COL12A1: variants seen among roughly 807,000 people sequenced by gnomAD.
COL12A1 encodes collagen alpha-1(XII) chain.
A neutral mutation model predicts 349.7 loss-of-function variants in COL12A1; 114 were observed. The ratio of observed to expected loss-of-function variants is 0.33; its 90% CI spans 0.28 to 0.38. The LOEUF (loss-of-function observed/expected upper bound fraction) is 0.38. Ranked by LOEUF, COL12A1 falls within the 10% of genes least tolerant of loss-of-function variation. The pLI is 1.00. For synonymous variants in COL12A1, 1,369 were observed against 1,329.0 expected, an observed-to-expected ratio of 1.03 and a Z score of -0.66; for missense variants, 3,284 against 3,756.9, an observed-to-expected ratio of 0.87 and a Z score of 3.29.
At chr6:75,189,505 C>T (rs62415676) in intron 6 of COL12A1, 47 bp downstream of exon 6, 1 of 1,585,610 alleles carries the variant, frequency 6.3e-7, no homozygotes, top group Admixed American at 1.8e-5. Context: ...CTTTCTGAAA[C>T]AGACATTTCA....
At chr6:75,172,025 G>C (rs1387083874) in intron 13 of COL12A1, among the ~76,000 whole-genome samples, 1 of 152,128 alleles carries the variant, frequency 6.6e-6, no homozygotes, top group Non-Finnish European at 1.5e-5. Context: ...AAGCAAACTT[G>C]CAAATTATCT....
At chr6:75,116,248 A>C (rs996986344) in intron 47 of COL12A1, among the ~76,000 whole-genome samples, 191 bp from the exon 48 acceptor site, 35 of 152,200 alleles carry the variant, frequency 2.3e-4, no homozygotes, top group African/African-American at 8.4e-4. Flanking sequence ...ACTATTAACC[A>C]GTGTAACAAA....
chr6:75,143,266 C>T lies in COL12A1; in HGVS notation c.4813G>A (p.Glu1605Lys). Reference sequence around the variant, plus strand: ...CTTCAACCTACCTCTTTGACATCCTCTTCTGGTGTTTTGTATCGAACAATA... The same window carrying T: ...CTTCAACCTACCTCTTTGACATCCTTTTCTGGTGTTTTGTATCGAACAATA... ...KYIVRYKTPE[E>K]DVKEVEVDRS... Residue 1605 changes from glutamate (E) to lysine (K), a missense_variant, in exon 26 of 66, where the codon GAG becomes AAG. Physicochemically the swap from Glu to Lys is moderately conservative, Grantham distance 56. This residue lies in a region of COL12A1 where 2,601 missense variants were observed against 2,824.8 expected (regional missense o/e 0.92). Coordinates refer to ENST00000322507, the MANE Select transcript of COL12A1 (RefSeq NM_004370.6). 1 of 1,613,904 alleles carries T rather than the reference C, an allele frequency of 6.2e-7. No homozygotes were observed.
chr6:75,111,472 G>T (rs1768837498), intron 51 of COL12A1, among the ~76,000 whole-genome samples: 2 of 151,824 alleles, frequency 1.3e-5, no homozygotes, highest in Admixed American at 6.6e-5. Flanking sequence ...TAGATAAAAT[G>T]AAGCATTCCA....
chr6:75,202,691 A>G, intron 2 of COL12A1, 29 bp downstream of exon 2: 1 of 1,546,136 alleles, frequency 6.5e-7, no homozygotes, highest in Non-Finnish European at 8.8e-7. Flanking sequence ...TTGCATTGTC[A>G]CTCGGTGAAG....
At chr6:75,132,692 C>T (rs1406026741) in intron 34 of COL12A1, among the ~76,000 whole-genome samples, 2 of 152,184 alleles carry the variant, frequency 1.3e-5, no homozygotes, top group East Asian at 1.9e-4. Context: ...ACATCATCTT[C>T]CTAGACCACT....
chr6:75,096,987 A>C (rs1376986660), intron 59 of COL12A1, among the ~76,000 whole-genome samples: 1 of 152,116 alleles, frequency 6.6e-6, no homozygotes, highest in Non-Finnish European at 1.5e-5. Context: ...AGGGATGAAG[A>C]AACTGAGGCA....
Position 75,113,708 on chromosome 6 carries a change from C to T in COL12A1, c.7734G>A (p.Thr2578=), listed in dbSNP as rs368616942. Residue 2578 remains threonine, a synonymous_variant, in exon 50 of 66, where the codon ACG becomes ACA. Coordinates refer to ENST00000322507, the MANE Select transcript of COL12A1 (RefSeq NM_004370.6). The part of the protein sequence containing the change: ...LHPNGLPPSY[T]IILLFRLLPE... ...GGAGAAGTCTGAATAATAATATAATCGTGTATGAAGGAGGGAGTCCATTTG... is the reference window on the plus strand; with the variant it reads ...GGAGAAGTCTGAATAATAATATAATTGTGTATGAAGGAGGGAGTCCATTTG... 21 of 1,601,780 alleles carry T rather than the reference C, an allele frequency of 1.3e-5. No homozygotes were observed. The highest frequency in any genetic ancestry group is 6.7e-5 in the Admixed American group (4 of 59,704).
intron 21 of COL12A1, among the ~76,000 whole-genome samples, chr6:75,150,016 C>A (rs930110782): frequency 6.6e-6 from 1 of 152,182 alleles, no homozygotes. Context: ...AAAAGAAAAT[C>A]TGCAAAAGTT....
intron 12 of COL12A1, among the ~76,000 whole-genome samples, chr6:75,176,403 G>A (rs1768955938): frequency 6.6e-6 from 1 of 151,286 alleles, no homozygotes; most frequent in Non-Finnish European, 1.5e-5. Flanking sequence ...AGGTGGGAGA[G>A]TGATGCAGTG....
intron 13 of COL12A1, among the ~76,000 whole-genome samples, chr6:75,171,490 C>T (rs1768631631): frequency 6.6e-6 from 1 of 152,174 alleles, no homozygotes; most frequent in Non-Finnish European, 1.5e-5. Flanking sequence ...TACAAAACAA[C>T]AACAACTTTA....
intron 2 of COL12A1, among the ~76,000 whole-genome samples, chr6:75,201,616 G>C (rs1265874286): frequency 6.6e-6 from 1 of 150,422 alleles, no homozygotes; most frequent in Non-Finnish European, 1.5e-5. Context: ...TTCATCAGGG[G>C]TATTTCTTTA....
In COL12A1 at chr6:75,147,688, C is replaced by A. The variant is rs749476681; in HGVS notation, c.4404G>T (p.Gly1468=). ...VEDEYSEPLK[G]TEKTLPVPVV... The stretch of plus-strand genomic sequence containing the variant: ...AATCTGACTCACAGGTTTTTTCTGT[C>A]CCCTTCAGAGGCTCACTATATTCAT... The change falls in exon 23 of 66, where the codon GGG becomes GGT. Residue 1468 remains glycine, a synonymous_variant. Coordinates refer to ENST00000322507, the MANE Select transcript of COL12A1 (RefSeq NM_004370.6). 1 of 1,603,474 alleles carries A rather than the reference C, an allele frequency of 6.2e-7. No individual in the cohort carries two copies. The highest frequency in any genetic ancestry group is 1.7e-5 in the Admixed American group (1 of 57,794).
intron 52 of COL12A1, 76 bp from the exon 53 acceptor site, chr6:75,106,572 T>C: frequency 7.8e-7 from 1 of 1,276,920 alleles, no homozygotes; most frequent in Non-Finnish European, 1.1e-6. Flanking sequence ...CATTTTAACA[T>C]TGCCAACTTC....
intron 59 of COL12A1, among the ~76,000 whole-genome samples, chr6:75,096,594 T>C (rs1256550024): frequency 2.6e-5 from 4 of 152,194 alleles, no homozygotes; most frequent in Non-Finnish European, 5.9e-5. Context: ...TAGGCACAGA[T>C]TCTTAAAATT....
rs1219586283 is a variant in COL12A1 at position 75,192,016 on chromosome 6, A to T, written c.334+196T>A. Among the ~76,000 whole-genome samples the T allele has an allele frequency of 2.6e-5, 4 of 151,972 alleles. No individual in the cohort carries two copies. In the East Asian group the frequency reaches 7.7e-4, roughly 29 times the overall value. On this transcript the variant is annotated intron_variant, in intron 4 of 65. Coordinates refer to ENST00000322507, the MANE Select transcript of COL12A1 (RefSeq NM_004370.6). ...ATTTTTAATGGTCTTCATTCATAAC[A>T]TTCCTGCTGTTTCCAGAGACCAGAG...
chr6:75,166,705 A>G (rs1040695626), intron 13 of COL12A1, among the ~76,000 whole-genome samples: 6 of 152,178 alleles, frequency 3.9e-5, no homozygotes, highest in African/African-American at 1.2e-4. Flanking sequence ...TAATTGTTGT[A>G]TATTCATGCA....
intron 12 of COL12A1, among the ~76,000 whole-genome samples, chr6:75,176,271 G>A (rs1768938399): frequency 6.6e-6 from 1 of 151,780 alleles, no homozygotes; most frequent in Non-Finnish European, 1.5e-5. Flanking sequence ...GCGTGATGCA[G>A]TGGGGGAGGA....
rs1381999215 is a variant in COL12A1 at position 75,177,930 on chromosome 6, C to T, written c.2170G>A (p.Gly724Arg). 1 of 1,587,544 alleles carries T rather than the reference C, an allele frequency of 6.3e-7. No homozygotes were observed. The highest frequency in any genetic ancestry group is 1.9e-5 in the Admixed American group (1 of 53,652). The change falls in exon 12 of 66, where the codon GGA becomes AGA. Residue 724 changes from glycine to arginine, a missense_variant. Coordinates refer to ENST00000322507, the MANE Select transcript of COL12A1 (RefSeq NM_004370.6). The stretch of plus-strand genomic sequence containing the variant: ...GTCACCTTTAGGTTTCGAGGTGCTC[C>T]TTTTACTGAAATAAAAAAGGAAAAA... ...AGEETTEEVK[G>R]APRNLKVTDE...
Sources: gnomAD v4.1 joint callset for allele counts (sites outside exome capture counted in the v4.1 genomes callset) on GRCh38, gnomAD v4.1.1 for gene constraint, gnomAD v4.1.1 regional missense constraint, MANE v1.5 for transcripts, NCBI Gene and HGNC (gene_info 2026-07-23, HGNC 2026-07-21) for gene names.